The following WDHD1 variants were observed in gnomAD, a reference collection of about 807,000 sequenced individuals.
The protein encoded by WDHD1 is WD repeat and HMG-box DNA-binding protein 1.
Under a neutral mutation model 135.4 loss-of-function variants are expected in WDHD1, and 111 were observed. The ratio of observed to expected loss-of-function variants is 0.82; its 90% CI spans 0.70 to 0.96. The LOEUF is 0.96. Ranked by LOEUF, WDHD1 falls within the 40% of genes least tolerant of loss-of-function variation. The pLI, the probability that WDHD1 is intolerant of heterozygous loss-of-function variation, is 0.00. For missense variants in WDHD1, 1,351 were observed against 1,336.3 expected (o/e 1.01, Z -0.17); for synonymous variants, 434 against 439.0 (o/e 0.99, Z 0.14).
chr14:54,956,601 G>A (rs2041162668), intron 23 of WDHD1, among the ~76,000 whole-genome samples: 1 of 152,126 alleles, frequency 6.6e-6, no homozygotes, highest in Non-Finnish European at 1.5e-5. Flanking sequence ...TCCTGACACT[G>A]CACTCCATCC....
chr14:55,005,004 G>C, intron 7 of WDHD1: 1 of 544,416 alleles, frequency 1.8e-6, no homozygotes, highest in Non-Finnish European at 3.6e-6. Flanking sequence ...AGGAGCTGGA[G>C]TAGTCCATTC....
chr14:55,006,351 C>G (rs1194627916), intron 7 of WDHD1, among the ~76,000 whole-genome samples: 1 of 152,084 alleles, frequency 6.6e-6, no homozygotes, highest in African/African-American at 2.4e-5. Flanking sequence ...GTACATTTAA[C>G]CTGTTACTGT....
At chr14:54,973,955 GT>G (rs2041480385) in intron 16 of WDHD1, among the ~76,000 whole-genome samples, 1 of 151,964 alleles carries the variant, frequency 6.6e-6, no homozygotes, top group Admixed American at 6.6e-5. Context: ...CTAAAAAGAT[GT>G]TTTCTCTGTT....
chr14:55,010,960 A>C (rs2042158580), intron 3 of WDHD1, among the ~76,000 whole-genome samples: 1 of 152,242 alleles, frequency 6.6e-6, no homozygotes, highest in Non-Finnish European at 1.5e-5. Flanking sequence ...AGGAATGTTG[A>C]GGATTGCCAC....
At chr14:55,021,775 A>G (rs921001603) in intron 2 of WDHD1, among the ~76,000 whole-genome samples, 10 of 152,154 alleles carry the variant, frequency 6.6e-5, no homozygotes, top group Non-Finnish European at 1.5e-4. Context: ...AATCTCCTTC[A>G]TGATTTCCTT....
At chr14:54,995,356 AATTTTGCTCTGTATTATTTCCTTCC>A (rs552414155) in intron 11 of WDHD1, among the ~76,000 whole-genome samples, 10,800 of 141,000 alleles carry the variant, frequency 0.077, 618 homozygotes, top group Non-Finnish European at 0.11. Flanking sequence ...AATTTTATTG[AATTTTGCTCTGTATTATTTCCTTCC>A]ATTTGCTTGG....
intron 22 of WDHD1, among the ~76,000 whole-genome samples, 174 bp from the exon 23 acceptor site, chr14:54,957,378 T>A (rs117103315): frequency 0.025 from 3,860 of 152,238 alleles, 69 homozygotes; most frequent in South Asian, 0.049. Flanking sequence ...AAATACCACA[T>A]CCCCAAGAAA....
intron 25 of WDHD1, 101 bp downstream of exon 25, chr14:54,944,231 T>C (rs2040882929): frequency 6.7e-7 from 1 of 1,481,764 alleles, no homozygotes; most frequent in African/African-American, 1.4e-5. Flanking sequence ...GTGCTAGGAT[T>C]ACAGGCATAA....
intron 11 of WDHD1, among the ~76,000 whole-genome samples, chr14:54,993,595 CA>C (rs1320222973): frequency 6.6e-6 from 1 of 152,150 alleles, no homozygotes; most frequent in African/African-American, 2.4e-5. Flanking sequence ...TCTCCCTTTT[CA>C]AATTACATAT....
chr14:54,961,036 C>T (rs552826699), intron 21 of WDHD1, among the ~76,000 whole-genome samples: 1 of 152,254 alleles, frequency 6.6e-6, no homozygotes, highest in South Asian at 2.1e-4. Context: ...AACGTCTGGT[C>T]TCAAGTGATC....
intron 16 of WDHD1, among the ~76,000 whole-genome samples, chr14:54,975,152 A>G (rs1330188311): frequency 1.3e-5 from 2 of 152,202 alleles, no homozygotes; most frequent in African/African-American, 2.4e-5. Context: ...TTGAAAAACT[A>G]AACAGAAAAA....
At chr14:55,019,658 C>T (rs2042313503) in intron 2 of WDHD1, among the ~76,000 whole-genome samples, 1 of 152,156 alleles carries the variant, frequency 6.6e-6, no homozygotes, top group Non-Finnish European at 1.5e-5. Context: ...CAATTGAGGT[C>T]AGGAGTTCAA....
intron 3 of WDHD1, among the ~76,000 whole-genome samples, chr14:55,011,998 TAA>T (rs984335100): frequency 2.1e-5 from 3 of 145,876 alleles, no homozygotes; most frequent in African/African-American, 2.5e-5. Flanking sequence ...CAATTTGCTC[TAA>T]AAAAAAAAAG....
At chr14:54,955,462 T>G in intron 24 of WDHD1, 99 bp downstream of exon 24, 1 of 1,235,432 alleles carries the variant, frequency 8.1e-7, no homozygotes, top group Non-Finnish European at 1.0e-6. Context: ...GCCAATGTAT[T>G]ATTTGTATTA....
chr14:54,946,195 A>C (rs1254393827), intron 24 of WDHD1, among the ~76,000 whole-genome samples: 1 of 152,230 alleles, frequency 6.6e-6, no homozygotes, highest in Non-Finnish European at 1.5e-5. Context: ...ATTTTTAAAA[A>C]GAAAACCAAA....
intron 10 of WDHD1, among the ~76,000 whole-genome samples, chr14:54,997,968 T>C (rs1253856504): frequency 2.0e-5 from 3 of 150,732 alleles, no homozygotes; most frequent in Non-Finnish European, 4.4e-5. Context: ...CCCTAGCACT[T>C]TGGGGGGCTG....
rs1595114456 is a variant in WDHD1 at position 55,005,516 on chromosome 14, A to C, written c.600+1764T>G. 3.9e-5 allele frequency: 22 copies of C among 569,818 alleles called. No individual in the cohort carries two copies. The East Asian group carries it at 9.5e-4, about 25-fold the overall frequency. The allele number at this position is 569,818 out of a possible 1,614,324, so 35.3% of individuals were successfully genotyped here. A position where few individuals can be genotyped will look rare whatever the true frequency, so the allele number is the denominator to read the frequency against. Reference sequence around the variant, plus strand: ...AACAATGGCACAAGCTCCCAGGAGAAGCTTCTCCCAGGTCCTCTTCAGATT... The same window carrying C: ...AACAATGGCACAAGCTCCCAGGAGACGCTTCTCCCAGGTCCTCTTCAGATT... On this transcript the variant is annotated intron_variant, in intron 7 of 25. Coordinates refer to ENST00000360586, the MANE Select transcript of WDHD1 (RefSeq NM_007086.4).
intron 2 of WDHD1, among the ~76,000 whole-genome samples, chr14:55,023,904 T>C (rs2042389919): frequency 6.6e-6 from 1 of 152,246 alleles, no homozygotes; most frequent in African/African-American, 2.4e-5. Context: ...TGGAAATGTT[T>C]GAGTGTGTAA....
rs372873421 is a variant in WDHD1, at chr14:54,995,571, G to A, written c.1153+32C>T. ...AAAAAATCTAAAATATTAATCAACA[G>A]GGTAATCACATGCACAAAGTCAAAT... On this transcript the variant is annotated intron_variant, in intron 11 of 25. Coordinates refer to ENST00000360586, the MANE Select transcript of WDHD1 (RefSeq NM_007086.4). 4.1e-5 allele frequency: 62 copies of A among 1,497,210 alleles called. No homozygotes were observed. In the African/African-American group the frequency reaches 5.2e-4, roughly 13 times the overall value. The allele number at this position is 1,497,210 out of a possible 1,614,324, so 92.7% of individuals were successfully genotyped here.
Sources: allele counts gnomAD v4.1 joint callset (sites outside exome capture counted in the v4.1 genomes callset), GRCh38; gene constraint gnomAD v4.1.1; transcripts MANE v1.5; gene names NCBI Gene and HGNC (gene_info 2026-07-23, HGNC 2026-07-21).